ANO1: variants seen among roughly 807,000 people sequenced by gnomAD.
ANO1 encodes anoctamin 1.
ANO1 carries 59 observed loss-of-function variants against 124.0 expected under a neutral mutation model. The ratio of observed to expected loss-of-function variants is 0.48; its 90% CI spans 0.39 to 0.59. ANO1 has a LOEUF of 0.59. Ranked by LOEUF, ANO1 falls within the 20% of genes least tolerant of loss-of-function variation. ANO1 has a pLI of 0.00. For synonymous variants in ANO1, 529 were observed against 532.0 expected, an observed-to-expected ratio of 0.99 and a Z score of 0.08; for missense variants, 1,059 against 1,328.0, an observed-to-expected ratio of 0.80 and a Z score of 3.15.
chr11:70,002,473 A>AAAAAAAAAAAAC (rs1459201747), intron 1 of ANO1, among the ~76,000 whole-genome samples: 159 of 151,498 alleles, frequency 1.0e-3, no homozygotes, highest in African/African-American at 3.6e-3. Flanking sequence ...AAAAAAAAAA[A>AAAAAAAAAAAAC]AAAACACCAA....
At chr11:70,043,710 A>G (rs1857215021) in intron 1 of ANO1, among the ~76,000 whole-genome samples, 1 of 152,186 alleles carries the variant, frequency 6.6e-6, no homozygotes, top group South Asian at 2.1e-4. Flanking sequence ...CTAGAATTCT[A>G]TACTCAGCAA....
chr11:70,110,603 C>T (rs553287578), intron 6 of ANO1, among the ~76,000 whole-genome samples: 1 of 152,188 alleles, frequency 6.6e-6, no homozygotes, highest in Admixed American at 6.5e-5. Flanking sequence ...GGTCATTGAC[C>T]ACAGAGATGG....
intron 22 of ANO1, among the ~76,000 whole-genome samples, chr11:70,175,671 A>G (rs1008479802): frequency 1.3e-5 from 2 of 152,240 alleles, no homozygotes; most frequent in African/African-American, 2.4e-5. Context: ...CGGGCACTGC[A>G]TGTGGGCAGG....
the ANO1 span, among the ~76,000 whole-genome samples, chr11:69,966,994 T>C: frequency 6.6e-6 from 1 of 152,186 alleles, no homozygotes; most frequent in African/African-American, 2.4e-5. Context: ...AGGGGTGTTC[T>C]GGGCACTGGG....
At chr11:69,995,088 G>T (rs1433751769) in intron 1 of ANO1, among the ~76,000 whole-genome samples, 6 of 103,258 alleles carry the variant, frequency 5.8e-5, no homozygotes, top group Admixed American at 2.3e-4. Context: ...ACAAATGCTG[G>T]CACTGTTTTT....
intron 24 of ANO1, among the ~76,000 whole-genome samples, 175 bp from the exon 25 acceptor site, chr11:70,185,415 G>A (rs919706367): frequency 6.6e-6 from 1 of 152,150 alleles, no homozygotes; most frequent in African/African-American, 2.4e-5. Flanking sequence ...CCACTGTGGA[G>A]AGAGACTCCG....
At chr11:70,184,594 G>C (rs1013076956) in intron 24 of ANO1, among the ~76,000 whole-genome samples, 2 of 152,232 alleles carry the variant, frequency 1.3e-5, no homozygotes, top group Non-Finnish European at 2.9e-5. Flanking sequence ...CCCCAGACCC[G>C]GGTAGGGCAG....
intron 1 of ANO1, among the ~76,000 whole-genome samples, chr11:70,028,129 T>A (rs1555003413): frequency 6.6e-6 from 1 of 152,224 alleles, no homozygotes; most frequent in East Asian, 1.9e-4. Flanking sequence ...CAAAGGGAGA[T>A]GAATACATTT....
In ANO1 at chr11:70,088,003, C is replaced by A; in HGVS notation, c.360C>A (p.His120Gln). 1 of 1,552,040 alleles carries A rather than the reference C, an allele frequency of 6.4e-7. No homozygotes were observed. The change falls in exon 2 of 26, where the codon CAC becomes CAA. Residue 120 changes from histidine (H) to glutamine (Q), a missense_variant. His to Gln is a conservative substitution (Grantham distance 24). Transcript: ENST00000355303. The part of the protein sequence containing the change: ...AGSGEPPMDY[H>Q]EDDKRFRREE... ...CGGGGGAGCCCCCGATGGACTACCACGAGGATGACAAGCGCTTCCGCAGGG... is the reference window on the plus strand; with the variant it reads ...CGGGGGAGCCCCCGATGGACTACCAAGAGGATGACAAGCGCTTCCGCAGGG...
chr11:70,180,564 C>T (rs922173315), intron 23 of ANO1, among the ~76,000 whole-genome samples: 1 of 152,144 alleles, frequency 6.6e-6, no homozygotes, highest in Non-Finnish European at 1.5e-5. Flanking sequence ...CGAGCCACTG[C>T]GCCCAGCCTT....
intron 1 of ANO1, among the ~76,000 whole-genome samples, chr11:70,018,939 C>T (rs1235709413): frequency 2.6e-5 from 4 of 152,222 alleles, no homozygotes; most frequent in African/African-American, 9.6e-5. Context: ...AGAGGAGCTT[C>T]CTCCCAGCCG....
intron 1 of ANO1, among the ~76,000 whole-genome samples, chr11:70,025,566 A>G (rs1010604853): frequency 2.7e-5 from 4 of 150,814 alleles, no homozygotes; most frequent in African/African-American, 7.4e-5. Context: ...GACAATGATG[A>G]TGATGATGAT....
chr11:70,127,943 A>T (rs943437713), intron 10 of ANO1, among the ~76,000 whole-genome samples: 6 of 152,232 alleles, frequency 3.9e-5, no homozygotes, highest in African/African-American at 1.4e-4. Flanking sequence ...AAGTCTCAGA[A>T]AAGCCCTAAA....
intron 1 of ANO1, among the ~76,000 whole-genome samples, chr11:70,035,923 A>G (rs533879100): frequency 6.6e-6 from 1 of 152,228 alleles, no homozygotes; most frequent in East Asian, 1.9e-4. Context: ...CCAATCTATC[A>G]TTGATAGGCA....
In ANO1 at chr11:70,130,718, T is replaced by G. The variant is rs1333274874; in HGVS notation, c.1098-1201T>G. Among the ~76,000 whole-genome samples, 7 of 152,346 alleles carry G rather than the reference T, an allele frequency of 4.6e-5. No individual in the cohort carries two copies. In the East Asian group the frequency reaches 1.2e-3, roughly 25 times the overall value. On this transcript the variant is annotated intron_variant, in intron 10 of 25. Transcript: ENST00000355303. ...GTTGGGATCTGGCCCCAGGCTCACC[T>G]GTGCTCAGCAAAGCAGAAGCCTGCA...
intron 1 of ANO1, among the ~76,000 whole-genome samples, chr11:69,989,048 G>T (rs1856103849): frequency 6.6e-6 from 1 of 152,148 alleles, no homozygotes; most frequent in Non-Finnish European, 1.5e-5. Flanking sequence ...GCTAATGTTG[G>T]TTGAGCAGGT....
chr11:70,122,898 T>C (rs1180939399), intron 8 of ANO1, among the ~76,000 whole-genome samples: 8 of 152,238 alleles, frequency 5.3e-5, no homozygotes, highest in Non-Finnish European at 1.2e-4. Context: ...CTGCTTTGCT[T>C]TTGCAGAGGT....
chr11:70,102,163 T>C (rs2045304058), intron 2 of ANO1, among the ~76,000 whole-genome samples: 1 of 152,152 alleles, frequency 6.6e-6, no homozygotes, highest in Non-Finnish European at 1.5e-5. Context: ...TGATCCCCGA[T>C]TAAGAGTGGG....
At chr11:70,119,675 T>TGATGGATG (rs2046169308) in intron 8 of ANO1, among the ~76,000 whole-genome samples, 1 of 144,566 alleles carries the variant, frequency 6.9e-6, no homozygotes, top group Non-Finnish European at 1.5e-5. Context: ...GAATGATGGA[T>TGATGGATG]GATGGATGGG....
Sources: allele counts gnomAD v4.1 joint callset (sites outside exome capture counted in the v4.1 genomes callset), GRCh38; gene constraint gnomAD v4.1.1; transcripts MANE v1.5; gene names NCBI Gene and HGNC (gene_info 2026-07-23, HGNC 2026-07-21).